Variants in CWF19L1 observed in about 807,000 individuals in gnomAD.
CWF19L1 encodes CWF19-like protein 1.
Under a neutral mutation model 69.7 loss-of-function variants are expected in CWF19L1, and 60 were observed. The observed-to-expected ratio is 0.86, with a 90% CI of 0.70 to 1.07. The LOEUF (loss-of-function observed/expected upper bound fraction) is 1.07, where lower values mean the gene tolerates loss of function less well. Ranked by LOEUF, CWF19L1 falls within the 50% of genes least tolerant of loss-of-function variation. The probability of loss-of-function intolerance (pLI) is 0.00; values close to 1 mark genes in which losing one functional copy is unlikely to be tolerated. For synonymous variants in CWF19L1, 209 were observed against 222.2 expected, an observed-to-expected ratio of 0.94 and a Z score of 0.53; for missense variants, 591 against 638.9, an observed-to-expected ratio of 0.92 and a Z score of 0.81.
At chr10:100,251,733 G>C (rs529822038) in intron 6 of CWF19L1, among the ~76,000 whole-genome samples, 47 of 152,088 alleles carry the variant, frequency 3.1e-4, no homozygotes, top group African/African-American at 1.1e-3. Flanking sequence ...GGATGGTCTC[G>C]ATCTCCTGAC....
At chr10:100,249,681 T>C (rs1846958357) in intron 7 of CWF19L1, among the ~76,000 whole-genome samples, 1 of 152,100 alleles carries the variant, frequency 6.6e-6, no homozygotes. Context: ...ACCTCCCACA[T>C]TCAAGCAATT....
chr10:100,266,993 C>CT (rs1847615627), intron 1 of CWF19L1, among the ~76,000 whole-genome samples: 1 of 151,928 alleles, frequency 6.6e-6, no homozygotes, highest in Non-Finnish European at 1.5e-5. Flanking sequence ...TATCTGGATT[C>CT]TTTAGTACCT....
chr10:100,267,297 C>T (rs1356241367), intron 1 of CWF19L1: 4 of 300,940 alleles, frequency 1.3e-5, no homozygotes, highest in African/African-American at 9.1e-5. Context: ...GTGTCAGAGG[C>T]CAGGACTGCC....
chr10:100,232,792 T>C lies in CWF19L1; in HGVS notation c.*435A>G, dbSNP rs1846318680. 6.6e-6 allele frequency: 1 copy of C among 152,540 alleles called. No individual in the cohort carries two copies. 9.4% of individuals were successfully genotyped at this position (152,540 alleles called of 1,614,324 possible). On this transcript the variant is annotated 3_prime_UTR_variant, in exon 14 of 14. Transcript: ENST00000354105. Reference sequence around the variant, plus strand: ...GGCCTCTTGCTGTAGGCAAGTTCCATGGGACTGCACAAAAGAGGCAGGGAA... The same window carrying C: ...GGCCTCTTGCTGTAGGCAAGTTCCACGGGACTGCACAAAAGAGGCAGGGAA...
intron 11 of CWF19L1, 66 bp downstream of exon 11, chr10:100,237,952 TTAAA>T (rs1253691591): frequency 6.9e-7 from 1 of 1,459,248 alleles, no homozygotes; most frequent in Non-Finnish European, 9.6e-7. Context: ...CCCAGCCTAT[TTAAA>T]TACTTATTTA....
At position 100,246,845 on chromosome 10, in the gene CWF19L1, T is replaced by C; in HGVS notation, c.799A>G (p.Arg267Gly). Reference protein sequence around the residue: ...QPPDVTENPYRKSGQEASIGK... With the variant: ...QPPDVTENPYGKSGQEASIGK... The stretch of plus-strand genomic sequence containing the variant: ...ATGGATGCTTCCTGCCCAGATTTTC[T>C]GTAAGGGTTTTCAGTGACATCCGGA... Residue 267 changes from arginine (R) to glycine (G), a missense_variant, in exon 8 of 14, where the codon AGA becomes GGA. Physicochemically the swap from Arg to Gly is moderately radical, Grantham distance 125. Around this residue, in one of 3 missense-constraint regions of CWF19L1, gnomAD observed 458 missense variants for 489.3 expected, o/e 0.94. Coordinates refer to ENST00000354105, the MANE Select transcript of CWF19L1 (RefSeq NM_018294.6). The C allele has an allele frequency of 6.2e-7, 1 of 1,614,178 alleles. No homozygotes were observed.
intron 5 of CWF19L1, among the ~76,000 whole-genome samples, chr10:100,255,735 C>G (rs1011878620): frequency 1.3e-5 from 2 of 148,446 alleles, no homozygotes; most frequent in Non-Finnish European, 3.0e-5. Context: ...TGCCCTCCAG[C>G]CTGGGTGACA....
At position 100,250,323 on chromosome 10, in the gene CWF19L1, G is replaced by A; in HGVS notation, c.633C>T (p.Ile211=). 1 of 1,604,880 alleles carries A rather than the reference G, an allele frequency of 6.2e-7. No homozygotes were observed. The highest frequency in any genetic ancestry group is 1.1e-5 in the South Asian group (1 of 90,884). The change falls in exon 7 of 14, where the codon ATC becomes ATT. Residue 211 remains isoleucine (I), a synonymous_variant. Coordinates refer to ENST00000354105, the MANE Select transcript of CWF19L1 (RefSeq NM_018294.6). ...YYERLPYRNH[I]ILQENAQHAT... The stretch of plus-strand genomic sequence containing the variant: ...CATGCTGTGCATTTTCCTGTAGAAT[G>A]ATATGGTTTCTACAACATATTTGAG...
intron 7 of CWF19L1, 129 bp downstream of exon 7, chr10:100,250,119 G>C: frequency 1.4e-6 from 1 of 704,190 alleles, no homozygotes; most frequent in Non-Finnish European, 2.5e-6. Flanking sequence ...CCTTTACAAA[G>C]GAGTCTCCGA....
chr10:100,234,656 C>A (rs1846375438), intron 13 of CWF19L1, among the ~76,000 whole-genome samples: 1 of 152,180 alleles, frequency 6.6e-6, no homozygotes, highest in Non-Finnish European at 1.5e-5. Flanking sequence ...TCAAGGCTCA[C>A]TCAAAGCCCA....
At chr10:100,247,829 G>T (rs955483739) in intron 7 of CWF19L1, among the ~76,000 whole-genome samples, 2 of 152,122 alleles carry the variant, frequency 1.3e-5, no homozygotes, top group East Asian at 3.9e-4. Context: ...ATGGGAGGTG[G>T]AGGTTGCAGT....
At chr10:100,253,664 G>A in intron 5 of CWF19L1, 125 bp from the exon 6 acceptor site, 2 of 599,366 alleles carry the variant, frequency 3.3e-6, no homozygotes, top group South Asian at 4.5e-5. Context: ...AGAAGGAACT[G>A]CACATTGAAT....
chr10:100,240,883 C>G (rs529196873), intron 10 of CWF19L1, among the ~76,000 whole-genome samples: 1 of 151,874 alleles, frequency 6.6e-6, no homozygotes, highest in African/African-American at 2.4e-5. Context: ...TAGAGCTTCT[C>G]AAGTTTGCTC....
chr10:100,267,362 C>G (rs1246977628), intron 1 of CWF19L1: 1 of 931,620 alleles, frequency 1.1e-6, no homozygotes, highest in African/African-American at 1.8e-5. Flanking sequence ...GAACGAGCGT[C>G]GCCAAGAGAA....
At chr10:100,251,165 T>C (rs1273686518) in intron 6 of CWF19L1, among the ~76,000 whole-genome samples, 2 of 152,204 alleles carry the variant, frequency 1.3e-5, no homozygotes, top group Non-Finnish European at 2.9e-5. Context: ...CTATTATGAA[T>C]AATGCTATTA....
intron 4 of CWF19L1, among the ~76,000 whole-genome samples, 161 bp from the exon 5 acceptor site, chr10:100,256,637 G>A (rs1398706650): frequency 6.6e-6 from 1 of 152,144 alleles, no homozygotes; most frequent in South Asian, 2.1e-4. Flanking sequence ...GGCATCAATG[G>A]TGAATGGCTA....
chr10:100,253,561 A>G, intron 5 of CWF19L1, 22 bp from the exon 6 acceptor site: 1 of 1,379,422 alleles, frequency 7.2e-7, no homozygotes, highest in South Asian at 1.2e-5. Context: ...AAACTTAGTC[A>G]TCCATACAGA....
At position 100,235,661 on chromosome 10, in the gene CWF19L1, A is replaced by G. The variant is rs1429762842; in HGVS notation, c.1472+6T>C. 1.3e-6 allele frequency: 2 copies of G among 1,598,090 alleles called. No homozygotes were observed. The highest frequency in any genetic ancestry group is 2.2e-5 in the South Asian group (2 of 90,704). On this transcript the variant is annotated splice_donor_region_variant and intron_variant, in intron 13 of 13. Coordinates refer to ENST00000354105, the MANE Select transcript of CWF19L1 (RefSeq NM_018294.6). ...TGAAAATACATTGAAAAGAAGAAAA[A>G]CATACCTTCCAAACTGCAAAGGAAA...
intron 7 of CWF19L1, chr10:100,248,346 A>C: frequency 2.0e-6 from 2 of 992,428 alleles, no homozygotes; most frequent in Non-Finnish European, 3.2e-6. Flanking sequence ...TGCCCTATAT[A>C]ATGTGGATGC....
Sources: allele counts gnomAD v4.1 joint callset (sites outside exome capture counted in the v4.1 genomes callset), GRCh38; gene constraint gnomAD v4.1.1; regional missense constraint gnomAD v4.1.1; transcripts MANE v1.5; gene names NCBI Gene and HGNC (gene_info 2026-07-23, HGNC 2026-07-21).